CACNG4: variants seen among roughly 807,000 people sequenced by gnomAD.
CACNG4 encodes calcium voltage-gated channel auxiliary subunit gamma 4.
CACNG4 carries 8 observed loss-of-function variants against 22.9 expected under a neutral mutation model. The observed-to-expected ratio is 0.35, with a 90% CI of 0.21 to 0.63. The LOEUF (loss-of-function observed/expected upper bound fraction) is 0.63, where lower values mean the gene tolerates loss of function less well. Ranked by LOEUF, CACNG4 falls within the 30% of genes least tolerant of loss-of-function variation. The probability of loss-of-function intolerance (pLI) is 0.72; values close to 1 mark genes in which losing one functional copy is unlikely to be tolerated. For missense variants in CACNG4, 357 were observed against 455.4 expected (o/e 0.78, Z 1.97); for synonymous variants, 188 against 191.9 (o/e 0.98, Z 0.17).
chr17:67,024,156 C>T (rs900622061), intron 2 of CACNG4, among the ~76,000 whole-genome samples: 4 of 152,144 alleles, frequency 2.6e-5, no homozygotes, highest in South Asian at 2.1e-4. Context: ...ACCTCCCCTG[C>T]GACTTCAGGC....
At chr17:66,988,053 GTA>G (rs1281622247) in intron 1 of CACNG4, among the ~76,000 whole-genome samples, 1,620 of 127,684 alleles carry the variant, frequency 0.013, 35 homozygotes, top group African/African-American at 0.059. Flanking sequence ...GTGTGTGTGT[GTA>G]TATATATATA....
intron 1 of CACNG4, among the ~76,000 whole-genome samples, chr17:66,991,403 A>G (rs2035339750): frequency 6.6e-6 from 1 of 152,098 alleles, no homozygotes; most frequent in African/African-American, 2.4e-5. Context: ...TCCTCTTCCC[A>G]GAAGCCAGAT....
intron 1 of CACNG4, among the ~76,000 whole-genome samples, chr17:66,982,078 G>A (rs138225334): frequency 3.0e-4 from 46 of 152,248 alleles, no homozygotes; most frequent in African/African-American, 9.6e-4. Flanking sequence ...GGACGTTTGC[G>A]GTGAGTGTTA....
At chr17:67,023,260 A>G (rs886174751) in intron 2 of CACNG4, among the ~76,000 whole-genome samples, 1 of 148,708 alleles carries the variant, frequency 6.7e-6, no homozygotes, top group Non-Finnish European at 1.5e-5. Context: ...TCACATCTGC[A>G]AGACCTCTTC....
At chr17:66,968,359 G>C (rs12451208) in intron 1 of CACNG4, among the ~76,000 whole-genome samples, 3 of 152,068 alleles carry the variant, frequency 2.0e-5, no homozygotes, top group Non-Finnish European at 4.4e-5. Context: ...CATAAATTGC[G>C]TAACACACCT....
At chr17:66,991,868 C>T (rs1406182316) in intron 1 of CACNG4, among the ~76,000 whole-genome samples, 1 of 152,142 alleles carries the variant, frequency 6.6e-6, no homozygotes, top group Non-Finnish European at 1.5e-5. Flanking sequence ...GCAGGCCGAC[C>T]TCTCTTCACC....
chr17:66,984,164 A>G lies in CACNG4; in HGVS notation c.220+19033A>G, dbSNP rs1383671150. Among the ~76,000 whole-genome samples, 1 of 151,276 alleles carries G rather than the reference A, an allele frequency of 6.6e-6. No individual in the cohort carries two copies. Among genetic ancestry groups the G allele is most frequent in the African/African-American group, 2.5e-5 (1 of 40,624 alleles). On this transcript the variant is annotated intron_variant, in intron 1 of 3. Coordinates refer to ENST00000262138, the MANE Select transcript of CACNG4 (RefSeq NM_014405.4). This position sits in a 1 kb window ranked among gnomAD's most constrained non-coding sequence, Gnocchi z 4.0. ...GAAGCCAAGGCAGGAGGATCACTAGAGGCCAGGAGTTCAAGACCAGTTTGG... is the reference window on the plus strand; with the variant it reads ...GAAGCCAAGGCAGGAGGATCACTAGGGGCCAGGAGTTCAAGACCAGTTTGG...
At chr17:67,020,807 A>C (rs1183919175) in intron 2 of CACNG4, among the ~76,000 whole-genome samples, 1 of 152,208 alleles carries the variant, frequency 6.6e-6, no homozygotes, top group Non-Finnish European at 1.5e-5. Context: ...CCCTGTCCAG[A>C]CTATGGCTCC....
chr17:67,007,052 A>G (rs1490944502), intron 1 of CACNG4, among the ~76,000 whole-genome samples: 3 of 152,086 alleles, frequency 2.0e-5, no homozygotes, highest in Non-Finnish European at 4.4e-5. Flanking sequence ...GCCGGTGCCT[A>G]TAGTCCCAGC....
intron 1 of CACNG4, among the ~76,000 whole-genome samples, chr17:66,967,068 C>T (rs1465869409): frequency 6.6e-6 from 1 of 152,106 alleles, no homozygotes; most frequent in African/African-American, 2.4e-5. Context: ...CAGGGCCTTC[C>T]AGTTTCCCAG....
chr17:66,970,851 C>T (rs1308834106), intron 1 of CACNG4, among the ~76,000 whole-genome samples: 25 of 152,236 alleles, frequency 1.6e-4, no homozygotes, highest in Non-Finnish European at 4.4e-5. Flanking sequence ...ACTCTCCAAT[C>T]ATTCAGGAAG....
intron 1 of CACNG4, among the ~76,000 whole-genome samples, chr17:66,969,068 C>T (rs2035188666): frequency 6.6e-6 from 1 of 152,162 alleles, no homozygotes; most frequent in Non-Finnish European, 1.5e-5. Context: ...GCATCACCAA[C>T]CAACATTTGT....
chr17:66,994,341 A>C (rs2035360509), intron 1 of CACNG4, among the ~76,000 whole-genome samples: 1 of 151,992 alleles, frequency 6.6e-6, no homozygotes, highest in Non-Finnish European at 1.5e-5. Flanking sequence ...AAAAAAAAAA[A>C]AAAACTGCGC....
At chr17:66,980,620 C>CTTTTTTTTTTTTT (rs67051865) in intron 1 of CACNG4, among the ~76,000 whole-genome samples, 31 of 106,998 alleles carry the variant, frequency 2.9e-4, no homozygotes, top group African/African-American at 8.0e-4. Flanking sequence ...TGTGTAAATT[C>CTTTTTTTTTTTTT]TTTTTTTTTT....
intron 1 of CACNG4, among the ~76,000 whole-genome samples, chr17:66,982,952 G>A (rs2035285553): frequency 6.6e-6 from 1 of 152,178 alleles, no homozygotes; most frequent in Non-Finnish European, 1.5e-5. Context: ...CAGCCTGTGA[G>A]GCAGGTGCTA....
At chr17:67,011,559 G>A (rs747413516) in intron 1 of CACNG4, among the ~76,000 whole-genome samples, 10 of 152,148 alleles carry the variant, frequency 6.6e-5, no homozygotes, top group Non-Finnish European at 1.2e-4. Context: ...CCAGGACTCC[G>A]TCTTACTCAG....
chr17:67,031,326 T>A lies in CACNG4; in HGVS notation c.*322T>A. Reference sequence around the variant, plus strand: ...CTTGATCAACTTGGGAAGACAAAATTGAGCCATTATCTCCTCTTGGAAACG... The same window carrying A: ...CTTGATCAACTTGGGAAGACAAAATAGAGCCATTATCTCCTCTTGGAAACG... On this transcript the variant is annotated 3_prime_UTR_variant, in exon 4 of 4. Transcript: ENST00000262138. This position sits in a 1 kb window ranked among gnomAD's most constrained non-coding sequence, Gnocchi z 4.0. 1.8e-6 allele frequency: 1 copy of A among 545,234 alleles called. No homozygotes were observed. The highest frequency in any genetic ancestry group is 3.5e-6 in the Non-Finnish European group (1 of 285,572). The allele number at this position is 545,234 out of a possible 1,614,324, so 33.8% of individuals were successfully genotyped here.
At position 67,031,956 on chromosome 17, in the gene CACNG4, A is replaced by C. The variant is rs752523349; in HGVS notation, c.*952A>C. Reference sequence around the variant, plus strand: ...CTGGACTTCTGTGCAAGAAAGGGAGACCTAAGGGTGAACAGTGGCCAATAA... The same window carrying C: ...CTGGACTTCTGTGCAAGAAAGGGAGCCCTAAGGGTGAACAGTGGCCAATAA... On this transcript the variant is annotated 3_prime_UTR_variant, in exon 4 of 4. Transcript: ENST00000262138. This position sits in a 1 kb window ranked among gnomAD's most constrained non-coding sequence, Gnocchi z 4.0. 2.2e-6 allele frequency: 1 copy of C among 456,728 alleles called. No individual in the cohort carries two copies. Among genetic ancestry groups the C allele is most frequent in the South Asian group, 1.5e-5 (1 of 64,572 alleles). The allele number at this position is 456,728 out of a possible 1,614,324, so 28.3% of individuals were successfully genotyped here. A position where few individuals can be genotyped will look rare whatever the true frequency, so the allele number is the denominator to read the frequency against.
At chr17:66,985,074 C>G (rs2035297339) in intron 1 of CACNG4, among the ~76,000 whole-genome samples, 1 of 152,146 alleles carries the variant, frequency 6.6e-6, no homozygotes, top group African/African-American at 2.4e-5. Context: ...AGACCGTCCT[C>G]TCTCCCAGCC....
Sources: allele counts gnomAD v4.1 joint callset (sites outside exome capture counted in the v4.1 genomes callset), GRCh38; gene constraint gnomAD v4.1.1; non-coding constraint Gnocchi (gnomAD v3.1); transcripts MANE v1.5; gene names NCBI Gene and HGNC (gene_info 2026-07-23, HGNC 2026-07-21).